AKT2: variants seen among roughly 807,000 people sequenced by gnomAD.
The protein encoded by AKT2 is AKT serine/threonine kinase 2, also known as RAC-beta serine/threonine-protein kinase.
Under a neutral mutation model 58.6 loss-of-function variants are expected in AKT2, and 16 were observed. The ratio of observed to expected loss-of-function variants is 0.27; its 90% CI spans 0.18 to 0.41. The LOEUF is 0.41. Among genes scored for constraint, AKT2 ranks in the 10% least tolerant of loss-of-function variants. The pLI is 1.00. For synonymous variants in AKT2, 253 were observed against 254.0 expected (o/e 1.00, Z 0.04); for missense variants, 438 against 661.0 (o/e 0.66, Z 3.70).
At chr19:40,253,968 C>T (rs1251394440) in intron 4 of AKT2, among the ~76,000 whole-genome samples, 1 of 149,828 alleles carries the variant, frequency 6.7e-6, no homozygotes, top group Admixed American at 6.6e-5. Flanking sequence ...ATGTACAATG[C>T]TACCTTTTGT....
chr19:40,257,118 C>T (rs771046099), intron 2 of AKT2, 64 bp from the exon 3 acceptor site: 179 of 1,589,792 alleles, frequency 1.1e-4, no homozygotes, highest in Non-Finnish European at 1.5e-4. Context: ...CCCAGGTAGG[C>T]GGCAGGAGGC....
At chr19:40,274,565 G>A (rs1260496424) in intron 1 of AKT2, 3 of 162,932 alleles carry the variant, frequency 1.8e-5, no homozygotes, top group African/African-American at 7.2e-5. Context: ...TGGAGAAAAG[G>A]AGCACACGGA....
At chr19:40,255,114 G>C (rs565080846) in intron 4 of AKT2, 44 bp downstream of exon 4, 2 of 1,457,862 alleles carry the variant, frequency 1.4e-6, no homozygotes, top group Admixed American at 1.7e-5. Flanking sequence ...CTCACACCAG[G>C]CTTGCTCCCT....
Position 40,249,546 on chromosome 19 carries a change from A to C in AKT2, c.287+5612T>G, listed in dbSNP as rs139513643. On this transcript the variant is annotated intron_variant, in intron 4 of 13. Transcript: ENST00000392038. ...AGCAGAGGTGGCAGGGCTGTCCTTC[A>C]TGCACAAGCCCGTCCTCACCGCTTC... Among the ~76,000 whole-genome samples the C allele has an allele frequency of 5.0e-3, 757 of 152,252 alleles. 16 individuals are homozygous for C. The highest frequency in any genetic ancestry group is 2.9e-3 in the Non-Finnish European group (195 of 68,004).
chr19:40,241,816 G>A lies in AKT2; in HGVS notation c.573+122C>T, dbSNP rs1024697828. On this transcript the variant is annotated intron_variant, in intron 6 of 13. Transcript: ENST00000392038. ...AGGCTCCCCCTTTTCTGACTAGGGG[G>A]AATTTGTGGGGGAAATAAGCCCACA... 1.2e-5 allele frequency: 17 copies of A among 1,448,516 alleles called. No homozygotes were observed. The African/African-American group carries it at 1.4e-4, about 12-fold the overall frequency. 89.7% of individuals were successfully genotyped at this position (1,448,516 alleles called of 1,614,324 possible). A position where few individuals can be genotyped will look rare whatever the true frequency, so the allele number is the denominator to read the frequency against.
intron 7 of AKT2, chr19:40,239,193 T>C: frequency 1.9e-6 from 1 of 535,468 alleles, no homozygotes. Context: ...TGCTGAACCA[T>C]CTTGTCCTCT....
At chr19:40,270,027 A>G (rs559553331) in intron 1 of AKT2, among the ~76,000 whole-genome samples, 4 of 152,196 alleles carry the variant, frequency 2.6e-5, no homozygotes, top group Non-Finnish European at 4.4e-5. Flanking sequence ...CTCAGCTGCC[A>G]GGATACATGG....
chr19:40,253,244 G>A (rs775260398), intron 4 of AKT2, among the ~76,000 whole-genome samples: 13 of 152,282 alleles, frequency 8.5e-5, no homozygotes, highest in Middle Eastern at 3.4e-3. Context: ...CACAATGGCC[G>A]GAAGTTTTCT....
intron 4 of AKT2, among the ~76,000 whole-genome samples, chr19:40,253,718 C>A (rs1387163668): frequency 6.6e-6 from 1 of 152,184 alleles, no homozygotes; most frequent in African/African-American, 2.4e-5. Flanking sequence ...CACAGGTCTA[C>A]CTGTGCACAC....
At position 40,235,503 on chromosome 19, in the gene AKT2, G is replaced by A; in HGVS notation, c.1176-153C>T. The A allele has an allele frequency of 1.3e-6, 1 of 771,176 alleles. No individual in the cohort carries two copies. The allele number at this position is 771,176 out of a possible 1,614,324, so 47.8% of individuals were successfully genotyped here. A position where few individuals can be genotyped will look rare whatever the true frequency, so the allele number is the denominator to read the frequency against. On this transcript the variant is annotated intron_variant, in intron 11 of 13. Coordinates refer to ENST00000392038, the MANE Select transcript of AKT2 (RefSeq NM_001626.6). This position sits in a 1 kb window ranked among gnomAD's most constrained non-coding sequence, Gnocchi z 6.3. ...GAGGAAACCGAGGCTCAGGGAGGGA[G>A]CTCACGTGCCCAGGGTCAGAGCCAG...
intron 4 of AKT2, among the ~76,000 whole-genome samples, chr19:40,246,414 G>A (rs1326441211): frequency 6.6e-6 from 1 of 152,134 alleles, no homozygotes; most frequent in Non-Finnish European, 1.5e-5. Context: ...GTGAGCTGCT[G>A]TGCCCAGCCT....
chr19:40,236,678 G>T, intron 9 of AKT2: 1 of 455,842 alleles, frequency 2.2e-6, no homozygotes, highest in Middle Eastern at 6.6e-4. Flanking sequence ...TTTCGAACGT[G>T]GGGGCACTAG....
rs1003636092 is a variant in AKT2, at chr19:40,231,787, C to T, written c.*2085G>A. Reference sequence around the variant, plus strand: ...AGGGGAGGGCTGACCCCAAGCTGAACAGGGTTCTAACCAAACGCTCAGGAG... The same window carrying T: ...AGGGGAGGGCTGACCCCAAGCTGAATAGGGTTCTAACCAAACGCTCAGGAG... On this transcript the variant is annotated 3_prime_UTR_variant, in exon 14 of 14. Coordinates refer to ENST00000392038, the MANE Select transcript of AKT2 (RefSeq NM_001626.6). 2.6e-5 allele frequency: 6 copies of T among 233,698 alleles called. No homozygotes were observed. The highest frequency in any genetic ancestry group is 1.7e-4 in the Admixed American group (3 of 17,782). 14.5% of individuals were successfully genotyped at this position (233,698 alleles called of 1,614,324 possible).
intron 4 of AKT2, among the ~76,000 whole-genome samples, chr19:40,254,223 T>C (rs1197895686): frequency 2.0e-5 from 3 of 152,122 alleles, no homozygotes; most frequent in East Asian, 3.9e-4. Context: ...TCAAAATCAA[T>C]AGAGATGCTC....
In AKT2 at chr19:40,265,219, TACC is replaced by T; in HGVS notation, c.46_46+2del. 1 of 1,612,912 alleles carries T rather than the reference TACC, an allele frequency of 6.2e-7. No individual in the cohort carries two copies. Among genetic ancestry groups the T allele is most frequent in the Non-Finnish European group, 8.5e-7 (1 of 1,179,548 alleles). On this transcript the variant is annotated splice_donor_variant and coding_sequence_variant, in exon 2 of 14. Coordinates refer to ENST00000392038, the MANE Select transcript of AKT2 (RefSeq NM_001626.6). LOFTEE classifies it high-confidence loss of function. ...AATCTGGCGGGCAAAAGCGGCCTCTTACCACGCTTGTGGAGCCAGCCTTCTTTG... is the reference window on the plus strand; with the variant it reads ...AATCTGGCGGGCAAAAGCGGCCTCTTACGCTTGTGGAGCCAGCCTTCTTTG...
rs1366670038 is a variant in AKT2 at position 40,232,550 on chromosome 19, C to G, written c.*1322G>C. On this transcript the variant is annotated 3_prime_UTR_variant, in exon 14 of 14. Coordinates refer to ENST00000392038, the MANE Select transcript of AKT2 (RefSeq NM_001626.6). ...ACCCACAAAAGCTAAACTCCAAACA[C>G]CCAGAGGTGTTGCTACAGGGAGGGG... is the stretch of plus-strand genomic sequence containing the variant. 4.3e-6 allele frequency: 1 copy of G among 232,028 alleles called. No homozygotes were observed. Among genetic ancestry groups the G allele is most frequent in the African/African-American group, 2.2e-5 (1 of 45,176 alleles). 14.4% of individuals were successfully genotyped at this position (232,028 alleles called of 1,614,324 possible). A position where few individuals can be genotyped will look rare whatever the true frequency, so the allele number is the denominator to read the frequency against.
intron 2 of AKT2, among the ~76,000 whole-genome samples, chr19:40,263,737 G>A (rs1046561148): frequency 6.6e-6 from 1 of 152,170 alleles, no homozygotes; most frequent in Non-Finnish European, 1.5e-5. Context: ...CTCCCTGTCT[G>A]CGTCTGCAGG....
chr19:40,236,239 C>G lies in AKT2; in HGVS notation c.960+18G>C, dbSNP rs774675646. ...ACCCTTGGCCTCACACGTTCCTACC[C>G]CCACCAACCCCAGACACCTCAGGCG... On this transcript the variant is annotated intron_variant, in intron 10 of 13. Coordinates refer to ENST00000392038, the MANE Select transcript of AKT2 (RefSeq NM_001626.6). 10 of 1,613,532 alleles carry G rather than the reference C, an allele frequency of 6.2e-6. No individual in the cohort carries two copies. The highest frequency in any genetic ancestry group is 7.6e-6 in the Non-Finnish European group (9 of 1,180,028).
intron 1 of AKT2, among the ~76,000 whole-genome samples, chr19:40,269,835 C>T (rs1976590887): frequency 6.6e-6 from 1 of 152,166 alleles, no homozygotes; most frequent in African/African-American, 2.4e-5. Flanking sequence ...GCACTCTGCC[C>T]ACGCCCCTCC....
Sources: allele counts gnomAD v4.1 joint callset (sites outside exome capture counted in the v4.1 genomes callset), GRCh38; gene constraint gnomAD v4.1.1; non-coding constraint Gnocchi (gnomAD v3.1); transcripts MANE v1.5; gene names NCBI Gene and HGNC (gene_info 2026-07-23, HGNC 2026-07-21).